Variants in PRAMEF4 observed in about 807,000 individuals in gnomAD.
The protein encoded by PRAMEF4 is PRAME family member 4, also known as RP5-845O24.6.
PRAMEF4 carries 18 observed loss-of-function variants against 34.4 expected under a neutral mutation model. The observed-to-expected ratio is 0.52, with a 90% CI of 0.36 to 0.78. The LOEUF is 0.78. Ranked by LOEUF, PRAMEF4 falls within the 30% of genes least tolerant of loss-of-function variation. The pLI is 0.00. For missense variants in PRAMEF4, 482 were observed against 569.1 expected (o/e 0.85, Z 1.56); for synonymous variants, 156 against 219.3 (o/e 0.71, Z 2.55).
At position 12,879,790 on chromosome 1, in the gene PRAMEF4, C is replaced by T. The variant is rs536364380; in HGVS notation, c.1191G>A (p.Leu397=). 2.7e-5 allele frequency: 43 copies of T among 1,600,782 alleles called. 2 individuals carry two copies. The South Asian group carries it at 4.7e-4, about 17-fold the overall frequency. Residue 397 remains leucine (L), a synonymous_variant, in exon 4 of 4, where the codon CTG becomes CTA. Transcript: ENST00000235349. Reference sequence around the variant, plus strand: ...TGATTGTGTGGCTCAGCAGGTTCTCCAGGGTGGCCATGCAGATGGGATTTC... The same window carrying T: ...TGATTGTGTGGCTCAGCAGGTTCTCTAGGGTGGCCATGCAGATGGGATTTC... ...FCGNPICMAT[L]ENLLSHTIIL...
Position 12,885,912 on chromosome 1 carries a change from T to C in PRAMEF4, c.-17+235A>G, listed in dbSNP as rs1331010054. Among the ~76,000 whole-genome samples the C allele has an allele frequency of 3.7e-5, 4 of 109,406 alleles. 1 individual carries two copies. The East Asian group carries it at 1.0e-3, about 28-fold the overall frequency. The allele number at this position is 109,406 out of a possible 152,430, so 71.8% of individuals were successfully genotyped here. The stretch of plus-strand genomic sequence containing the variant: ...GAAGTGTTGGGGTTAAAGGCATGAG[T>C]CACTGCTCCCTTCAAGAATTTTAAA... On this transcript the variant is annotated intron_variant, in intron 1 of 3. Coordinates refer to ENST00000235349, the MANE Select transcript of PRAMEF4 (RefSeq NM_001009611.4).
chr1:12,883,211 G>T lies in PRAMEF4; in HGVS notation c.184C>A (p.Pro62Thr), dbSNP rs565680483. 21 of 1,599,140 alleles carry T rather than the reference G, an allele frequency of 1.3e-5. 4 individuals carry two copies. The East Asian group carries it at 3.4e-4, about 26-fold the overall frequency. Residue 62 changes from proline (P) to threonine (T), a missense_variant, in exon 2 of 4, where the codon CCC becomes ACC. Coordinates refer to ENST00000235349, the MANE Select transcript of PRAMEF4 (RefSeq NM_001009611.4). ...EALKLMVQSW[P>T]FRRLPLRPLI... ...GGCCTCAGAGGGAGGCGGCGGAAGG[G>T]CCAGGACTGCACCATCAGCTTCAGG... is the stretch of plus-strand genomic sequence containing the variant.
At chr1:12,880,308 A>C (rs1422786764) in intron 3 of PRAMEF4, among the ~76,000 whole-genome samples, 1 of 150,738 alleles carries the variant, frequency 6.6e-6, no homozygotes, top group East Asian at 1.9e-4. Flanking sequence ...CGGCCCAGTA[A>C]CTCACACCTG....
chr1:12,879,789 C>G lies in PRAMEF4; in HGVS notation c.1192G>C (p.Glu398Gln), dbSNP rs754092956. The change falls in exon 4 of 4, where the codon GAG becomes CAG. Residue 398 changes from glutamate (E) to glutamine (Q), a missense_variant. Physicochemically the swap from Glu to Gln is conservative, Grantham distance 29. Transcript: ENST00000235349. ...CGNPICMATL[E>Q]NLLSHTIILK... is the part of the protein sequence containing the mutation. The stretch of plus-strand genomic sequence containing the variant: ...ATGATTGTGTGGCTCAGCAGGTTCT[C>G]CAGGGTGGCCATGCAGATGGGATTT... 3.1e-6 allele frequency: 5 copies of G among 1,600,650 alleles called. No individual in the cohort carries two copies. Among genetic ancestry groups the G allele is most frequent in the Non-Finnish European group, 4.3e-6 (5 of 1,174,128 alleles).
Position 12,879,698 on chromosome 1 carries a change from A to T in PRAMEF4, c.1283T>A (p.Leu428His). 1.2e-6 allele frequency: 2 copies of T among 1,601,988 alleles called. No homozygotes were observed. The highest frequency in any genetic ancestry group is 1.7e-6 in the Non-Finnish European group (2 of 1,175,038). ...AATTTGAGCAAATCTGCTCCAGCAG[A>T]GAGTACCATCAGCACCATAACTCTC... is the stretch of plus-strand genomic sequence containing the variant. ...PRESYGADGT[L>H]CWSRFAQIRA... Residue 428 changes from leucine (L) to histidine (H), a missense_variant, in exon 4 of 4, where the codon CTC (leucine) becomes CAC (histidine). This residue lies in a region of PRAMEF4 where 116 missense variants were observed against 105.2 expected (regional missense o/e 1.10). Transcript: ENST00000235349.
At chr1:12,880,726 G>A (rs973365434) in intron 3 of PRAMEF4, among the ~76,000 whole-genome samples, 1 of 147,698 alleles carries the variant, frequency 6.8e-6, no homozygotes, top group Non-Finnish European at 1.5e-5. Context: ...GGAGCCCAGT[G>A]GAGATTCAGG....
chr1:12,880,864 G>C lies in PRAMEF4; in HGVS notation c.876-759C>G, dbSNP rs1365554991. Among the ~76,000 whole-genome samples, 2 of 145,628 alleles carry C rather than the reference G, an allele frequency of 1.4e-5. 1 individual carries two copies. The highest frequency in any genetic ancestry group is 5.2e-5 in the African/African-American group (2 of 38,616). ...TCACCATTCTTTGTGCCTGCACCCT[G>C]ACCCTCTGTTTCAGAATCATGCATT... On this transcript the variant is annotated intron_variant, in intron 3 of 3. Coordinates refer to ENST00000235349, the MANE Select transcript of PRAMEF4 (RefSeq NM_001009611.4).
rs557337408 is a variant in PRAMEF4 at position 12,883,117 on chromosome 1, A to T, written c.278T>A (p.Leu93Gln). The change falls in exon 2 of 4, where the codon CTA becomes CAA. Residue 93 changes from leucine (L) to glutamine (Q), a missense_variant. Transcript: ENST00000235349. Reference sequence around the variant, plus strand: ...GCCACCTCACCTGGGACGAACCCCTAGGTTAAGCAGTGCATCCAGCCCATC... The same window carrying T: ...GCCACCTCACCTGGGACGAACCCCTTGGTTAAGCAGTGCATCCAGCCCATC... ...VLDGLDALLNLGVRPRRWKLQ... is the reference protein window; with the variant it reads ...VLDGLDALLNQGVRPRRWKLQ... 9.1e-5 allele frequency: 145 copies of T among 1,601,056 alleles called. 9 individuals carry two copies. The East Asian group carries it at 1.2e-3, about 13-fold the overall frequency.
rs751587197 is a variant in PRAMEF4, at chr1:12,882,278, C to A, written c.451G>T (p.Val151Leu). Residue 151 changes from valine to leucine, a missense_variant, in exon 3 of 4, where the codon GTG (valine) becomes TTG (leucine). This residue lies in a region of PRAMEF4 where 72 missense variants were observed against 128.9 expected (regional missense o/e 0.56). Transcript: ENST00000235349. ...TTCTTGAGCCAAAGTTCTACGAACA[C>A]AGTCAAGGGCTGCCGTCCTTTCATC... The part of the protein sequence containing the change: ...PRMKGRQPLT[V>L]FVELWLKNRT... 66 of 1,521,942 alleles carry A rather than the reference C, an allele frequency of 4.3e-5. 6 individuals are homozygous for A. Among genetic ancestry groups the A allele is most frequent in the Non-Finnish European group, 5.8e-5 (65 of 1,119,012 alleles). The allele number at this position is 1,521,942 out of a possible 1,614,324, so 94.3% of individuals were successfully genotyped here.
chr1:12,883,110 A>C lies in PRAMEF4; in HGVS notation c.285T>G (p.Val95=). 6.2e-7 allele frequency: 1 copy of C among 1,601,212 alleles called. No individual in the cohort carries two copies. The highest frequency in any genetic ancestry group is 1.1e-5 in the South Asian group (1 of 90,168). The change falls in exon 2 of 4, where the codon GTT becomes GTG. Residue 95 remains valine, a synonymous_variant. Transcript: ENST00000235349. ...DGLDALLNLG[V]RPRRWKLQVL... ...CACCTGGGCCACCTCACCTGGGACGAACCCCTAGGTTAAGCAGTGCATCCA... is the reference window on the plus strand; with the variant it reads ...CACCTGGGCCACCTCACCTGGGACGCACCCCTAGGTTAAGCAGTGCATCCA...
chr1:12,883,227 C>G lies in PRAMEF4; in HGVS notation c.168G>C (p.Leu56=), dbSNP rs367988151. 2.1e-4 allele frequency: 337 copies of G among 1,598,610 alleles called. 4 individuals are homozygous for G. Among genetic ancestry groups the G allele is most frequent in the Non-Finnish European group, 2.8e-4 (333 of 1,172,714 alleles). ...GGCGGAAGGGCCAGGACTGCACCATCAGCTTCAGGGCCTCACAGCGTCTCC... is the reference window on the plus strand; with the variant it reads ...GGCGGAAGGGCCAGGACTGCACCATGAGCTTCAGGGCCTCACAGCGTCTCC... The part of the protein sequence containing the change: ...FSRRRCEALK[L]MVQSWPFRRL... The change falls in exon 2 of 4, where the codon CTG becomes CTC. Residue 56 remains leucine, a synonymous_variant. Transcript: ENST00000235349.
intron 3 of PRAMEF4, among the ~76,000 whole-genome samples, chr1:12,880,330 C>A (rs1164292954): frequency 6.6e-5 from 10 of 150,504 alleles, no homozygotes; most frequent in African/African-American, 2.2e-4. Flanking sequence ...AATCCCAGCA[C>A]TTTGGGAGGC....
intron 1 of PRAMEF4, 127 bp downstream of exon 1, chr1:12,886,020 G>A (rs1424496720): frequency 2.1e-5 from 1 of 48,768 alleles, no homozygotes; most frequent in Admixed American, 1.8e-4. Context: ...GCTTCCAATT[G>A]TTCATATAAA....
chr1:12,883,517 C>A, intron 1 of PRAMEF4, 107 bp from the exon 2 acceptor site: 8 of 1,409,380 alleles, frequency 5.7e-6, no homozygotes, highest in Non-Finnish European at 6.8e-6. Flanking sequence ...GTGAAAGAGT[C>A]CTCAGTTTAC....
At chr1:12,881,368 G>GA (rs1301713942) in intron 3 of PRAMEF4, among the ~76,000 whole-genome samples, 4 of 146,200 alleles carry the variant, frequency 2.7e-5, no homozygotes, top group African/African-American at 7.6e-5. Context: ...CTCCATCTCA[G>GA]AAAAAAAAAG....
At chr1:12,880,324 C>T (rs1374302621) in intron 3 of PRAMEF4, among the ~76,000 whole-genome samples, 34 of 150,456 alleles carry the variant, frequency 2.3e-4, no homozygotes, top group African/African-American at 8.1e-4. Flanking sequence ...ACCTGTAATC[C>T]CAGCACTTTG....
rs1640935191 is a variant in PRAMEF4, at chr1:12,883,464, A to C, written c.-16-54T>G. The C allele has an allele frequency of 3.1e-6, 5 of 1,594,608 alleles. No individual in the cohort carries two copies. In the African/African-American group the frequency reaches 5.4e-5, roughly 17 times the overall value. ...CATCTCTCTCGGGCCAAGCCCATGCAATCTCATCCTCTCCTATGGCCAAAC... is the reference window on the plus strand; with the variant it reads ...CATCTCTCTCGGGCCAAGCCCATGCCATCTCATCCTCTCCTATGGCCAAAC... On this transcript the variant is annotated intron_variant, in intron 1 of 3. Transcript: ENST00000235349.
chr1:12,882,191 G>A lies in PRAMEF4; in HGVS notation c.538C>T (p.Leu180=). The A allele has an allele frequency of 1.9e-6, 3 of 1,584,616 alleles. No individual in the cohort carries two copies. Among genetic ancestry groups the A allele is most frequent in the South Asian group, 1.1e-5 (1 of 90,128 alleles). ...LLWVKQRKDL[L]HLCCKKLKIL... ...TTCAGCTTCTTACAGCACAGGTGTAGTAAATCTTTCCTCTGCTTGACCCAT... is the reference window on the plus strand; with the variant it reads ...TTCAGCTTCTTACAGCACAGGTGTAATAAATCTTTCCTCTGCTTGACCCAT... Residue 180 remains leucine, a synonymous_variant, in exon 3 of 4, where the codon CTA becomes TTA. Transcript: ENST00000235349.
chr1:12,882,999 T>C, intron 2 of PRAMEF4, 103 bp downstream of exon 2: 2 of 1,521,928 alleles, frequency 1.3e-6, no homozygotes, highest in Non-Finnish European at 1.8e-6. Context: ...CTCGGCTTCC[T>C]CACCACCACC....
Sources: gnomAD v4.1 joint callset for allele counts (sites outside exome capture counted in the v4.1 genomes callset) on GRCh38, gnomAD v4.1.1 for gene constraint, gnomAD v4.1.1 regional missense constraint, MANE v1.5 for transcripts, NCBI Gene and HGNC (gene_info 2026-07-23, HGNC 2026-07-21) for gene names.